Variants in ESRRB observed in about 807,000 individuals in gnomAD.
The protein encoded by ESRRB is steroid hormone receptor ERR2.
In ESRRB, 16 loss-of-function variants were observed where a neutral mutation model predicts 46.0. That is an observed-to-expected ratio of 0.35 (90% CI 0.24 to 0.53). ESRRB has a LOEUF of 0.53. Ranked by LOEUF, ESRRB falls within the 20% of genes least tolerant of loss-of-function variation. The pLI is 0.93. For synonymous variants in ESRRB, 246 were observed against 259.6 expected, an observed-to-expected ratio of 0.95 and a Z score of 0.50; for missense variants, 488 against 607.4, an observed-to-expected ratio of 0.80 and a Z score of 2.07.
chr14:76,420,810 C>A (rs1886923913), intron 1 of ESRRB, among the ~76,000 whole-genome samples: 1 of 152,182 alleles, frequency 6.6e-6, no homozygotes. Context: ...GTTCCCATTT[C>A]ATCCACCTCA....
chr14:76,446,771 G>T (rs1157008035), intron 2 of ESRRB, among the ~76,000 whole-genome samples: 2 of 152,152 alleles, frequency 1.3e-5, no homozygotes, highest in Non-Finnish European at 2.9e-5. Flanking sequence ...ATTTCTCCTT[G>T]TATGTGTGCT....
At chr14:76,459,870 T>C (rs551044938) in intron 2 of ESRRB, among the ~76,000 whole-genome samples, 2 of 151,280 alleles carry the variant, frequency 1.3e-5, no homozygotes, top group East Asian at 3.9e-4. Flanking sequence ...GGGAGAAAGG[T>C]GGTGCCTGCT....
chr14:76,330,684 G>A (rs894615099), intron 1 of ESRRB, among the ~76,000 whole-genome samples: 7 of 152,188 alleles, frequency 4.6e-5, no homozygotes, highest in African/African-American at 1.7e-4. Context: ...CTCCAGCTGA[G>A]CCCCCATCAG....
intron 1 of ESRRB, among the ~76,000 whole-genome samples, chr14:76,342,332 G>A (rs1242809253): frequency 6.6e-6 from 1 of 152,130 alleles, no homozygotes; most frequent in Non-Finnish European, 1.5e-5. Context: ...ATTCTGGCAG[G>A]AAAGAAGGAA....
chr14:76,357,483 G>T (rs1884396138), intron 1 of ESRRB, among the ~76,000 whole-genome samples: 1 of 152,090 alleles, frequency 6.6e-6, no homozygotes, highest in African/African-American at 2.4e-5. Context: ...TACAATGTGG[G>T]GTCATTTTCT....
At position 76,455,225 on chromosome 14, in the gene ESRRB, T is replaced by A. The variant is rs191783539; in HGVS notation, c.461-7320T>A. On this transcript the variant is annotated intron_variant, in intron 2 of 6. Transcript: ENST00000644823. Reference sequence around the variant, plus strand: ...GAGCAAGACTTTGTCTCAAAAAAAATATATATATATGTTTTATAATGAAGG... The same window carrying A: ...GAGCAAGACTTTGTCTCAAAAAAAAAATATATATATGTTTTATAATGAAGG... Among the ~76,000 whole-genome samples, 508 of 152,006 alleles carry A rather than the reference T, an allele frequency of 3.3e-3. 1 individual carries two copies. Among genetic ancestry groups the A allele is most frequent in the Middle Eastern group, 6.8e-3 (2 of 294 alleles).
chr14:76,390,396 G>A (rs1407334974), intron 1 of ESRRB, among the ~76,000 whole-genome samples: 7 of 152,122 alleles, frequency 4.6e-5, no homozygotes, highest in Admixed American at 4.6e-4. Context: ...GGCTGAGGCA[G>A]GAGGATCACT....
chr14:76,420,771 C>T lies in ESRRB; in HGVS notation c.51-18570C>T, dbSNP rs573380841. Among the ~76,000 whole-genome samples, 186 of 152,234 alleles carry T rather than the reference C, an allele frequency of 1.2e-3. 9 individuals carry two copies. In the South Asian group the frequency reaches 0.037, roughly 30 times the overall value. On this transcript the variant is annotated intron_variant, in intron 1 of 6. Coordinates refer to ENST00000644823, the MANE Select transcript of ESRRB (RefSeq NM_001379180.1). The stretch of plus-strand genomic sequence containing the variant: ...TTTTCAAAAAGGGGTCCCCTGGAAC[C>T]GGTGGCCACCATGCCCTTTGTATCA...
chr14:76,448,964 T>C (rs759687158), intron 2 of ESRRB, among the ~76,000 whole-genome samples: 3 of 152,252 alleles, frequency 2.0e-5, no homozygotes, highest in African/African-American at 7.2e-5. Flanking sequence ...GAATCTTTGA[T>C]ACAAATGTCT....
At chr14:76,375,179 A>G (rs1238739655), upstream of ESRRB, among the ~76,000 whole-genome samples, 1 of 150,916 alleles carries the variant, frequency 6.6e-6, no homozygotes, top group Non-Finnish European at 1.5e-5. Flanking sequence ...ACTCATTTGA[A>G]TCATCAAATT....
At chr14:76,451,778 A>C (rs889974781) in intron 2 of ESRRB, among the ~76,000 whole-genome samples, 2 of 140,922 alleles carry the variant, frequency 1.4e-5, no homozygotes, top group Admixed American at 7.2e-5. Context: ...GTGGGCCACC[A>C]TGCCCAGCTA....
chr14:76,485,379 A>T (rs1889967633), intron 5 of ESRRB, among the ~76,000 whole-genome samples: 1 of 151,632 alleles, frequency 6.6e-6, no homozygotes, highest in Admixed American at 6.6e-5. Flanking sequence ...CTGGGACTAC[A>T]GGCACGTGCC....
At chr14:76,447,231 A>C in intron 2 of ESRRB, among the ~76,000 whole-genome samples, 1 of 145,234 alleles carries the variant, frequency 6.9e-6, no homozygotes, top group African/African-American at 2.6e-5. Flanking sequence ...TCCCTTGCTC[A>C]TTTTCTAAAG....
At chr14:76,415,491 C>G (rs1389811889) in intron 1 of ESRRB, among the ~76,000 whole-genome samples, 1 of 152,082 alleles carries the variant, frequency 6.6e-6, no homozygotes, top group Non-Finnish European at 1.5e-5. Context: ...AAAACCCTGT[C>G]TCTACTAAAA....
intron 1 of ESRRB, among the ~76,000 whole-genome samples, chr14:76,319,719 C>T (rs965025898): frequency 2.0e-5 from 3 of 152,154 alleles, no homozygotes; most frequent in Non-Finnish European, 2.9e-5. Context: ...AAACTTTACT[C>T]TTGATTAGTA....
Position 76,482,553 on chromosome 14 carries a change from T to G in ESRRB, c.689-45T>G. ...CATCTGAGCCTCCACCCCGGCCCCTTTCCTCTTTTCCCAGCATTTACCTTT... is the reference window on the plus strand; with the variant it reads ...CATCTGAGCCTCCACCCCGGCCCCTGTCCTCTTTTCCCAGCATTTACCTTT... On this transcript the variant is annotated intron_variant, in intron 4 of 6. Coordinates refer to ENST00000644823, the MANE Select transcript of ESRRB (RefSeq NM_001379180.1). The surrounding 1 kb of genome is among the most constrained non-coding windows in gnomAD (Gnocchi z 4.3). 6.2e-7 allele frequency: 1 copy of G among 1,611,932 alleles called. No individual in the cohort carries two copies. Among genetic ancestry groups the G allele is most frequent in the Non-Finnish European group, 8.5e-7 (1 of 1,178,194 alleles).
chr14:76,375,265 CATT>C (rs1555391264), upstream of ESRRB, among the ~76,000 whole-genome samples: 2 of 152,054 alleles, frequency 1.3e-5, no homozygotes, highest in Non-Finnish European at 2.9e-5. Context: ...ACTTACAGCT[CATT>C]TTGGTACAGT....
At chr14:76,396,206 C>CA (rs1332103555) in intron 1 of ESRRB, among the ~76,000 whole-genome samples, 3 of 150,638 alleles carry the variant, frequency 2.0e-5, no homozygotes, top group East Asian at 1.9e-4. Context: ...AAACAAAAAA[C>CA]AAAAAAACAG....
At chr14:76,381,893 G>C (rs889735360) in intron 1 of ESRRB, among the ~76,000 whole-genome samples, 2 of 152,154 alleles carry the variant, frequency 1.3e-5, no homozygotes, top group African/African-American at 4.8e-5. Flanking sequence ...CCAGACAAGT[G>C]GGGAACATGG....
Sources: allele counts gnomAD v4.1 joint callset (sites outside exome capture counted in the v4.1 genomes callset), GRCh38; gene constraint gnomAD v4.1.1; non-coding constraint Gnocchi (gnomAD v3.1); transcripts MANE v1.5; gene names NCBI Gene and HGNC (gene_info 2026-07-23, HGNC 2026-07-21).